Variants in PCDH15 observed in about 807,000 individuals in gnomAD.
PCDH15 encodes the protein protocadherin related 15.
Under a neutral mutation model 178.5 loss-of-function variants are expected in PCDH15, and 129 were observed. The observed-to-expected ratio is 0.72, with a 90% CI of 0.63 to 0.84. PCDH15 has a LOEUF of 0.84. PCDH15 is among the 40% of genes least tolerant of loss of function. The pLI, the probability that PCDH15 is intolerant of heterozygous loss-of-function variation, is 0.00. For missense variants in PCDH15, 2,230 were observed against 2,099.9 expected (o/e 1.06, Z -1.21); for synonymous variants, 800 against 732.0 (o/e 1.09, Z -1.50).
At chr10:54,440,931 AT>A (rs1163060006) in intron 3 of PCDH15, among the ~76,000 whole-genome samples, 1 of 151,948 alleles carries the variant, frequency 6.6e-6, no homozygotes, top group African/African-American at 2.4e-5. Context: ...TTACTCTCTT[AT>A]TTTAACCTTT....
chr10:54,107,370 C>T (rs528343271), intron 15 of PCDH15, among the ~76,000 whole-genome samples: 116 of 152,282 alleles, frequency 7.6e-4, no homozygotes, highest in African/African-American at 2.5e-3. Flanking sequence ...ACCATTACAA[C>T]GCTTAGTATG....
chr10:54,259,628 TGTA>T (rs1011752856), intron 8 of PCDH15, among the ~76,000 whole-genome samples: 1 of 152,024 alleles, frequency 6.6e-6, no homozygotes, highest in African/African-American at 2.4e-5. Flanking sequence ...TATCTGTTAA[TGTA>T]GTGGGCTATT....
At chr10:54,563,186 C>T (rs553027378) in intron 2 of PCDH15, among the ~76,000 whole-genome samples, 183 of 152,268 alleles carry the variant, frequency 1.2e-3, no homozygotes, top group African/African-American at 4.2e-3. Context: ...ATGATCTATA[C>T]ATTTGAAAAA....
At chr10:54,996,568 T>A (rs1277186647) in intron 2 of PCDH15, among the ~76,000 whole-genome samples, 1 of 152,178 alleles carries the variant, frequency 6.6e-6, no homozygotes, top group African/African-American at 2.4e-5. Flanking sequence ...ATGGTTGGTC[T>A]GTATGGGCTT....
intron 1 of PCDH15, among the ~76,000 whole-genome samples, chr10:55,213,625 G>A (rs1275310844): frequency 1.3e-5 from 2 of 151,316 alleles, no homozygotes; most frequent in African/African-American, 2.4e-5. Context: ...TTAAATATAT[G>A]TTATATTTAT....
chr10:54,185,053 C>A, intron 12 of PCDH15, 81 bp downstream of exon 12: 1 of 1,525,886 alleles, frequency 6.6e-7, no homozygotes, highest in South Asian at 1.1e-5. Flanking sequence ...CAGTTTTAAC[C>A]AGACATCTCT....
chr10:55,563,544 A>C (rs1240559225), intron 2 of PCDH15, among the ~76,000 whole-genome samples: 1 of 151,914 alleles, frequency 6.6e-6, no homozygotes, highest in African/African-American at 2.4e-5. Context: ...TTACCATTTA[A>C]TTAAATTCAG....
chr10:54,774,720 T>C (rs895191091), intron 1 of PCDH15, among the ~76,000 whole-genome samples: 1 of 152,180 alleles, frequency 6.6e-6, no homozygotes, highest in Admixed American at 6.5e-5. Context: ...AGGTAAAACC[T>C]AAATGTCAAA....
At chr10:54,936,743 G>C (rs977434035) in intron 2 of PCDH15, among the ~76,000 whole-genome samples, 2 of 149,386 alleles carry the variant, frequency 1.3e-5, no homozygotes, top group African/African-American at 4.9e-5. Context: ...TTAGTTTTAA[G>C]AGTTTTTTTA....
intron 1 of PCDH15, among the ~76,000 whole-genome samples, chr10:55,242,171 T>C (rs750400689): frequency 2.0e-5 from 3 of 152,204 alleles, no homozygotes; most frequent in Non-Finnish European, 2.9e-5. Flanking sequence ...TTATTTCTTC[T>C]TAGTTTCCAA....
chr10:54,409,143 T>G (rs1953113128), intron 3 of PCDH15, among the ~76,000 whole-genome samples: 1 of 152,160 alleles, frequency 6.6e-6, no homozygotes, highest in Non-Finnish European at 1.5e-5. Flanking sequence ...GTATTTTGCG[T>G]TTTGCCATGA....
At chr10:54,619,581 A>G (rs2093290721) in intron 2 of PCDH15, among the ~76,000 whole-genome samples, 1 of 152,020 alleles carries the variant, frequency 6.6e-6, no homozygotes, top group African/African-American at 2.4e-5. Context: ...GGTGGAATGC[A>G]GAGATGTTAA....
At chr10:55,501,367 G>T (rs1014567239) in intron 2 of PCDH15, among the ~76,000 whole-genome samples, 1 of 151,652 alleles carries the variant, frequency 6.6e-6, no homozygotes, top group Non-Finnish European at 1.5e-5. Flanking sequence ...TGTTATGGAA[G>T]TCCTAGGAAA....
chr10:54,855,889 CTG>C (rs1953732856), intron 3 of PCDH15, among the ~76,000 whole-genome samples: 1 of 152,070 alleles, frequency 6.6e-6, no homozygotes, highest in Non-Finnish European at 1.5e-5. Context: ...AATGTATACT[CTG>C]GATATGCTTG....
chr10:55,141,353 G>C (rs1479749515), intron 2 of PCDH15, among the ~76,000 whole-genome samples: 1 of 152,020 alleles, frequency 6.6e-6, no homozygotes. Flanking sequence ...AACTGGGTTA[G>C]AGTCAAATTG....
At chr10:54,343,761 G>A (rs182887708) in intron 6 of PCDH15, among the ~76,000 whole-genome samples, 213 of 151,506 alleles carry the variant, frequency 1.4e-3, no homozygotes, top group South Asian at 4.8e-3. Flanking sequence ...AAACCCGCAC[G>A]TTGTGCACAT....
At chr10:54,303,708 T>G (rs2060289367) in intron 8 of PCDH15, among the ~76,000 whole-genome samples, 1 of 152,142 alleles carries the variant, frequency 6.6e-6, no homozygotes, top group Non-Finnish European at 1.5e-5. Context: ...AACCTAAGTA[T>G]ACAGTCCAAG....
chr10:54,975,348 A>T (rs997838351), intron 2 of PCDH15, among the ~76,000 whole-genome samples: 5 of 152,314 alleles, frequency 3.3e-5, no homozygotes, highest in East Asian at 1.9e-4. Context: ...TTTAATACAG[A>T]TGTAAAGAAA....
At chr10:55,185,062 T>C (rs1346878668) in intron 1 of PCDH15, among the ~76,000 whole-genome samples, 3 of 151,868 alleles carry the variant, frequency 2.0e-5, no homozygotes, top group South Asian at 4.1e-4. Flanking sequence ...ATAACTTGCT[T>C]TTGTGGCAAT....
Sources: gnomAD v4.1 joint callset for allele counts (sites outside exome capture counted in the v4.1 genomes callset) on GRCh38, gnomAD v4.1.1 for gene constraint, MANE v1.5 for transcripts, NCBI Gene and HGNC (gene_info 2026-07-23, HGNC 2026-07-21) for gene names.